Variants in BMI1 observed in about 807,000 individuals in gnomAD.
The protein encoded by BMI1 is BMI1 proto-oncogene, polycomb ring finger, also known as polycomb complex protein BMI-1.
In BMI1, 9 loss-of-function variants were observed where a neutral mutation model predicts 39.1. The observed-to-expected ratio is 0.23, with a 90% confidence interval of 0.14 to 0.40. BMI1 has a LOEUF of 0.40. BMI1 is among the 10% of genes least tolerant of loss of function. BMI1 has a pLI of 1.00. For synonymous variants in BMI1, 131 were observed against 127.9 expected (o/e 1.02, Z -0.16); for missense variants, 252 against 390.8 (o/e 0.64, Z 2.99).
intron 1 of BMI1, among the ~76,000 whole-genome samples, chr10:22,322,727 C>T (rs1027992739): frequency 1.3e-4 from 20 of 152,170 alleles, no homozygotes; most frequent in Non-Finnish European, 2.9e-4. Flanking sequence ...GACTCCAGTC[C>T]ACTATCTTTT....
intron 1 of BMI1, chr10:22,325,718 CAAGTGT>C (rs1363608332): frequency 2.6e-5 from 4 of 151,314 alleles, no homozygotes; most frequent in Non-Finnish European, 5.9e-5. Context: ...GGCCGGATGC[CAAGTGT>C]AAGTGTAAGT....
chr10:22,329,894 A>G lies in BMI1; in HGVS notation c.*352A>G, dbSNP rs1164885867. ...TTTGTTAATCTCAACTAACGCCTAC[A>G]TTACATTCTCCTTGATCGTTCTTGT... On this transcript the variant is annotated 3_prime_UTR_variant, in exon 10 of 10. Transcript: ENST00000376663. 1 of 206,710 alleles carries G rather than the reference A, an allele frequency of 4.8e-6. No individual in the cohort carries two copies. Among genetic ancestry groups the G allele is most frequent in the Non-Finnish European group, 9.9e-6 (1 of 101,486 alleles). The allele number at this position is 206,710 out of a possible 1,614,324, so 12.8% of individuals were successfully genotyped here. A position where few individuals can be genotyped will look rare whatever the true frequency, so the allele number is the denominator to read the frequency against.
chr10:22,327,783 TCTG>T lies in BMI1; in HGVS notation c.311_313del (p.Ala104del), dbSNP rs777629774. On this transcript the variant is annotated inframe_deletion, in exon 5 of 10. Coordinates refer to ENST00000376663, the MANE Select transcript of BMI1 (RefSeq NM_005180.9). ...AAGGGATTTTTATGCAGCTCATCCT[TCTG>T]CTGATGGTAAACCTTTTAGGGGAGG... The T allele has an allele frequency of 6.2e-6, 10 of 1,613,364 alleles. No homozygotes were observed. The highest frequency in any genetic ancestry group is 1.1e-5 in the South Asian group (1 of 91,060).
chr10:22,325,630 C>G (rs925883437), intron 1 of BMI1: 1 of 145,988 alleles, frequency 6.8e-6, no homozygotes, highest in East Asian at 2.0e-4. Flanking sequence ...CCCTCCCCCG[C>G]CCGCCCGCCC....
At chr10:22,326,373 A>G in intron 1 of BMI1, 58 bp from the exon 2 acceptor site, 3 of 1,597,768 alleles carry the variant, frequency 1.9e-6, no homozygotes, top group African/African-American at 1.3e-5. Flanking sequence ...GTTTGTGATT[A>G]CTAGATGATC....
intron 1 of BMI1, among the ~76,000 whole-genome samples, chr10:22,323,472 A>G (rs1298162202): frequency 6.6e-6 from 1 of 152,242 alleles, no homozygotes; most frequent in Non-Finnish European, 1.5e-5. Flanking sequence ...TTAATACTCT[A>G]TCACTAACTT....
In BMI1 at chr10:22,326,554, A is replaced by T. The variant is rs950607131; in HGVS notation, c.105A>T (p.Leu35=). Residue 35 remains leucine (L), a synonymous_variant, in exon 2 of 10, where the codon CTA becomes CTT. Transcript: ENST00000376663. ...ATGCCACAACCATAATAGAATGTCT[A>T]CATTCCTGTAAGTACCGAGCTTTAG... ...FIDATTIIEC[L]HSFCKTCIVR... 4 of 1,613,974 alleles carry T rather than the reference A, an allele frequency of 2.5e-6. No homozygotes were observed. Among genetic ancestry groups the T allele is most frequent in the Non-Finnish European group, 2.5e-6 (3 of 1,179,968 alleles).
intron 1 of BMI1, among the ~76,000 whole-genome samples, chr10:22,322,631 A>G (rs536631744): frequency 1.3e-5 from 2 of 151,922 alleles, no homozygotes; most frequent in African/African-American, 4.8e-5. Context: ...CTTTCTCACT[A>G]CTTCTTTTTC....
In BMI1 at chr10:22,329,528, A is replaced by C. The variant is rs1564351405; in HGVS notation, c.967A>C (p.Thr323Pro). Residue 323 changes from threonine to proline, a missense_variant, in exon 10 of 10, where the codon ACT becomes CCT. By Grantham distance (38) the Thr-to-Pro change is conservative. Transcript: ENST00000376663. ...ATCATCAGTAAATGGGTCATCAGCAACTTCTTCTGGTTGATACCTGAGACT... is the reference window on the plus strand; with the variant it reads ...ATCATCAGTAAATGGGTCATCAGCACCTTCTTCTGGTTGATACCTGAGACT... The part of the protein sequence containing the change: ...RKSSVNGSSA[T>P]SSG 1 of 1,613,708 alleles carries C rather than the reference A, an allele frequency of 6.2e-7. No homozygotes were observed. Among genetic ancestry groups the C allele is most frequent in the Non-Finnish European group, 8.5e-7 (1 of 1,179,788 alleles).
rs931024574 is a variant in BMI1 at position 22,330,860 on chromosome 10, C to T, written c.*1318C>T. The stretch of plus-strand genomic sequence containing the variant: ...TTAAAATATGAATAACCCCACCCAA[C>T]AATTTTCAGTTTATTTTTTGCTTTG... On this transcript the variant is annotated 3_prime_UTR_variant, in exon 10 of 10. Coordinates refer to ENST00000376663, the MANE Select transcript of BMI1 (RefSeq NM_005180.9). 2.0e-5 allele frequency: 3 copies of T among 152,552 alleles called. No homozygotes were observed. The highest frequency in any genetic ancestry group is 4.4e-5 in the Non-Finnish European group (3 of 67,966). 9.4% of individuals were successfully genotyped at this position (152,552 alleles called of 1,614,324 possible).
At chr10:22,328,985 A>AATG in intron 8 of BMI1, 63 bp from the exon 9 acceptor site, 1 of 1,482,818 alleles carries the variant, frequency 6.7e-7, no homozygotes, top group Non-Finnish European at 9.1e-7. Context: ...ATTATATTTA[A>AATG]ATGACAAAAA....
At chr10:22,328,204 A>T in intron 7 of BMI1, 25 bp downstream of exon 7, 3 of 1,584,572 alleles carry the variant, frequency 1.9e-6, no homozygotes, top group Non-Finnish European at 2.6e-6. Flanking sequence ...ACAAAAACAT[A>T]TAGAAGAAAC....
chr10:22,324,194 G>A (rs1286412457), intron 1 of BMI1, among the ~76,000 whole-genome samples: 1 of 152,156 alleles, frequency 6.6e-6, no homozygotes, highest in East Asian at 1.9e-4. Context: ...AATAAAGGCA[G>A]CTATTTTTAT....
chr10:22,329,576 C>T lies in BMI1; in HGVS notation c.*34C>T, dbSNP rs746967972. The T allele has an allele frequency of 2.2e-5, 35 of 1,597,338 alleles. No individual in the cohort carries two copies. In the South Asian group the frequency reaches 3.8e-4, roughly 17 times the overall value. The stretch of plus-strand genomic sequence containing the variant: ...ACTGTTAAGGAAAAAAATTTTAAAC[C>T]CCTGATTTATATAGATATCTTCATG... On this transcript the variant is annotated 3_prime_UTR_variant, in exon 10 of 10. Coordinates refer to ENST00000376663, the MANE Select transcript of BMI1 (RefSeq NM_005180.9).
chr10:22,323,949 C>G lies in BMI1; in HGVS notation c.-20+2253C>G, dbSNP rs541128087. On this transcript the variant is annotated intron_variant, in intron 1 of 9. Coordinates refer to ENST00000376663, the MANE Select transcript of BMI1 (RefSeq NM_005180.9). Reference sequence around the variant, plus strand: ...ACATAACTGATTTTTATATAAGTAACAGTGGTATTTATTAGCATTATAAAT... The same window carrying G: ...ACATAACTGATTTTTATATAAGTAAGAGTGGTATTTATTAGCATTATAAAT... 2.0e-5 allele frequency among the ~76,000 whole-genome samples: 3 copies of G among 152,330 alleles called. No homozygotes were observed. In the South Asian group the frequency reaches 6.2e-4, roughly 32 times the overall value.
chr10:22,323,547 C>T (rs941504515), intron 1 of BMI1, among the ~76,000 whole-genome samples: 1 of 152,214 alleles, frequency 6.6e-6, no homozygotes, highest in African/African-American at 2.4e-5. Context: ...CCCAACTTTA[C>T]CCATGCTTAT....
intron 1 of BMI1, among the ~76,000 whole-genome samples, chr10:22,321,918 C>T (rs975861146): frequency 3.9e-4 from 56 of 144,916 alleles, no homozygotes; most frequent in Middle Eastern, 7.3e-3. Flanking sequence ...CGCGCGCCCG[C>T]CGCCGCCCGC....
At position 22,329,742 on chromosome 10, in the gene BMI1, T is replaced by A; in HGVS notation, c.*200T>A. On this transcript the variant is annotated 3_prime_UTR_variant, in exon 10 of 10. Transcript: ENST00000376663. ...TAATTGAAAAGAAAGATTGTTGTTA[T>A]AAAGAATTGGTTTCTTGGAAAGCAG... 1 of 650,036 alleles carries A rather than the reference T, an allele frequency of 1.5e-6. No individual in the cohort carries two copies. The highest frequency in any genetic ancestry group is 2.5e-6 in the Non-Finnish European group (1 of 403,108). The allele number at this position is 650,036 out of a possible 1,614,324, so 40.3% of individuals were successfully genotyped here.
At chr10:22,327,031 T>A in intron 3 of BMI1, 45 bp downstream of exon 3, 1 of 1,594,870 alleles carries the variant, frequency 6.3e-7, no homozygotes. Context: ...TTATTGGAGT[T>A]GTATAATTTA....
Sources: gnomAD v4.1 joint callset for allele counts (sites outside exome capture counted in the v4.1 genomes callset) on GRCh38, gnomAD v4.1.1 for gene constraint, MANE v1.5 for transcripts, NCBI Gene and HGNC (gene_info 2026-07-23, HGNC 2026-07-21) for gene names.